The following STIL variants were observed in gnomAD, a reference collection of about 807,000 sequenced individuals.
STIL encodes the protein STIL centriolar assembly protein.
In STIL, 55 loss-of-function variants were observed where a neutral mutation model predicts 110.1. The ratio of observed to expected loss-of-function variants is 0.50; its 90% CI spans 0.40 to 0.63. The LOEUF (loss-of-function observed/expected upper bound fraction) is 0.63. Ranked by LOEUF, STIL falls within the 20% of genes least tolerant of loss-of-function variation. STIL has a pLI of 0.00. For synonymous variants in STIL, 481 were observed against 530.0 expected, an observed-to-expected ratio of 0.91 and a Z score of 1.27; for missense variants, 1,358 against 1,530.0, an observed-to-expected ratio of 0.89 and a Z score of 1.87.
chr1:47,281,184 G>C lies in STIL; in HGVS notation c.1274C>G (p.Pro425Arg). The C allele has an allele frequency of 1.2e-6, 2 of 1,613,092 alleles. No homozygotes were observed. Among genetic ancestry groups the C allele is most frequent in the Non-Finnish European group, 1.7e-6 (2 of 1,179,780 alleles). The change falls in exon 12 of 17, where the codon CCT becomes CGT. Residue 425 changes from proline to arginine, a missense_variant. By Grantham distance (103) the Pro-to-Arg change is moderately radical (BLOSUM62 -2). Coordinates refer to ENST00000371877, the MANE Select transcript of STIL (RefSeq NM_001048166.1). ...QKISKIQPSV[P>R]ELSLVLDGNF... ...GCCATCCAACACAAGTGAAAGTTCA[G>C]GAACTGATGGTTGGATCTTAGAAAT...
Position 47,310,278 on chromosome 1 carries a change from G to T in STIL, c.42C>A (p.Thr14=). Reference sequence around the variant, plus strand: ...TATTTGTAAATATACTTCTATACCTGGTATTCATCTGGGGCCGTGCAAAAG... The same window carrying T: ...TATTTGTAAATATACTTCTATACCTTGTATTCATCTGGGGCCGTGCAAAAG... ...IYPFARPQMN[T]RFPSSRMVPF... The change falls in exon 2 of 17, where the codon ACC becomes ACA. Residue 14 remains threonine, a splice_region_variant and synonymous_variant. Coordinates refer to ENST00000371877, the MANE Select transcript of STIL (RefSeq NM_001048166.1). 1 of 1,612,432 alleles carries T rather than the reference G, an allele frequency of 6.2e-7. No individual in the cohort carries two copies. Among genetic ancestry groups the T allele is most frequent in the Non-Finnish European group, 8.5e-7 (1 of 1,179,170 alleles).
Position 47,251,574 on chromosome 1 carries a change from G to A in STIL, c.3429C>T (p.Pro1143=), listed in dbSNP as rs144628824. 1.9e-5 allele frequency: 30 copies of A among 1,613,658 alleles called. No individual in the cohort carries two copies. The African/African-American group carries it at 2.3e-4, about 12-fold the overall frequency. ...ATTCACTCTTGCTATCTGCATTGTC[G>A]GGAGGTTCCTCTTCATCTTCACTAT... The part of the protein sequence containing the change: ...SDNSEDEEEP[P]DNADSKSEYL... The change falls in exon 17 of 17, where the codon CCC becomes CCT. Residue 1143 remains proline (P), a synonymous_variant. Coordinates refer to ENST00000371877, the MANE Select transcript of STIL (RefSeq NM_001048166.1).
chr1:47,279,160 A>C (rs1645075377), intron 12 of STIL, among the ~76,000 whole-genome samples: 1 of 151,760 alleles, frequency 6.6e-6, no homozygotes, highest in Non-Finnish European at 1.5e-5. Flanking sequence ...TTAGCCGGGC[A>C]TAGTCCCAGC....
chr1:47,295,463 CCAGCTACTTAGGAGG>C (rs1339834791), intron 7 of STIL, among the ~76,000 whole-genome samples: 3 of 151,906 alleles, frequency 2.0e-5, no homozygotes, highest in African/African-American at 7.3e-5. Context: ...GCCTGTAATC[CCAGCTACTTAGGAGG>C]CTGAAGCACG....
At chr1:47,281,309 A>T (rs1645153931) in intron 11 of STIL, 100 bp from the exon 12 acceptor site, 1 of 1,207,692 alleles carries the variant, frequency 8.3e-7, no homozygotes, top group Non-Finnish European at 1.1e-6. Flanking sequence ...ATCTAATTAC[A>T]TATTAACAAG....
chr1:47,290,317 G>T (rs1389529557), intron 8 of STIL, among the ~76,000 whole-genome samples: 5 of 152,140 alleles, frequency 3.3e-5, no homozygotes, highest in Admixed American at 3.3e-4. Flanking sequence ...TGACAATCTG[G>T]GGGGAAAACC....
At chr1:47,313,320 T>C (rs1646191476) in intron 1 of STIL, among the ~76,000 whole-genome samples, 1 of 140,626 alleles carries the variant, frequency 7.1e-6, no homozygotes, top group African/African-American at 2.7e-5. Context: ...TGAAACTGCG[T>C]CTCAAAAATA....
At chr1:47,269,591 T>A in intron 14 of STIL, 44 bp downstream of exon 14, 8 of 1,559,924 alleles carry the variant, frequency 5.1e-6, no homozygotes, top group Non-Finnish European at 6.2e-6. Flanking sequence ...CAAAAAAAAT[T>A]TTTTTTGAAA....
chr1:47,263,744 G>GTT (rs60915271), intron 14 of STIL, among the ~76,000 whole-genome samples: 1,208 of 98,178 alleles, frequency 0.012, 189 homozygotes, highest in African/African-American at 0.048. Flanking sequence ...TTCATTCCAA[G>GTT]TTTTTTTTTT....
At chr1:47,306,619 C>CA in intron 2 of STIL, among the ~76,000 whole-genome samples, 1 of 152,012 alleles carries the variant, frequency 6.6e-6, no homozygotes. Flanking sequence ...TTATGAAAAG[C>CA]AAAAAAACTT....
chr1:47,262,853 C>T, intron 15 of STIL, 50 bp downstream of exon 15: 1 of 1,527,254 alleles, frequency 6.5e-7, no homozygotes, highest in Non-Finnish European at 9.1e-7. Context: ...CTAGTATATC[C>T]TATACTAAAT....
In STIL at chr1:47,250,582, G is replaced by A. The variant is rs1447737918; in HGVS notation, c.*554C>T. ...CGCCTGTAATCCCAGCACTTTAGGA[G>A]GCCGAGGCGGGCGGATCACCTGAGG... On this transcript the variant is annotated 3_prime_UTR_variant, in exon 17 of 17. Coordinates refer to ENST00000371877, the MANE Select transcript of STIL (RefSeq NM_001048166.1). The A allele has an allele frequency of 6.3e-6, 1 of 158,732 alleles. No individual in the cohort carries two copies. Among genetic ancestry groups the A allele is most frequent in the Non-Finnish European group, 1.4e-5 (1 of 72,008 alleles). The allele number at this position is 158,732 out of a possible 1,614,324, so 9.8% of individuals were successfully genotyped here.
In STIL at chr1:47,287,745, C is replaced by G. The variant is rs1645347396; in HGVS notation, c.1024-85G>C. The G allele has an allele frequency of 3.8e-6, 4 of 1,044,258 alleles. No homozygotes were observed. In the African/African-American group the frequency reaches 6.3e-5, roughly 16 times the overall value. 64.7% of individuals were successfully genotyped at this position (1,044,258 alleles called of 1,614,324 possible). A position where few individuals can be genotyped will look rare whatever the true frequency, so the allele number is the denominator to read the frequency against. On this transcript the variant is annotated intron_variant, in intron 9 of 16. Coordinates refer to ENST00000371877, the MANE Select transcript of STIL (RefSeq NM_001048166.1). The stretch of plus-strand genomic sequence containing the variant: ...ATTTAGATGAAAAGTAGCTCTGAAA[C>G]ACTAGATGATGGAGTGGCAGACTTC...
intron 14 of STIL, among the ~76,000 whole-genome samples, chr1:47,265,783 C>CAAAAAAAA (rs1179019596): frequency 5.6e-4 from 37 of 65,594 alleles, no homozygotes; most frequent in East Asian, 2.1e-3. Flanking sequence ...AAGACTGTCT[C>CAAAAAAAA]AAAAAAAAAA....
At chr1:47,270,147 A>G (rs1644776687) in intron 13 of STIL, among the ~76,000 whole-genome samples, 4 of 151,428 alleles carry the variant, frequency 2.6e-5, no homozygotes, top group Non-Finnish European at 5.9e-5. Context: ...GCAGAGGTGT[A>G]AGATCACTTG....
At chr1:47,286,889 G>C (rs958416845) in intron 10 of STIL, among the ~76,000 whole-genome samples, 12 of 151,900 alleles carry the variant, frequency 7.9e-5, no homozygotes, top group African/African-American at 2.4e-4. Context: ...CTATAAAATG[G>C]GAGAAATGAC....
intron 2 of STIL, among the ~76,000 whole-genome samples, chr1:47,307,695 G>T (rs947222179): frequency 6.6e-6 from 1 of 152,232 alleles, no homozygotes; most frequent in African/African-American, 2.4e-5. Flanking sequence ...ATTGTTCAGG[G>T]AATAAGAGAG....
At chr1:47,295,529 G>A (rs939658770) in intron 7 of STIL, among the ~76,000 whole-genome samples, 1 of 151,804 alleles carries the variant, frequency 6.6e-6, no homozygotes, top group South Asian at 2.1e-4. Context: ...GCAGTGAGCC[G>A]AGATCTCTCC....
In STIL at chr1:47,304,081, G is replaced by A. The variant is rs147778527; in HGVS notation, c.152+808C>T. Among the ~76,000 whole-genome samples, 380 of 151,854 alleles carry A rather than the reference G, an allele frequency of 2.5e-3. 3 individuals are homozygous for A. Among genetic ancestry groups the A allele is most frequent in the Non-Finnish European group, 2.0e-3 (135 of 67,968 alleles). On this transcript the variant is annotated intron_variant, in intron 3 of 16. Transcript: ENST00000371877. ...GAAACTGATCCTTGGCTACTTTACT[G>A]AGGTTGCATAAATAAGTACTAGAAT...
Sources: gnomAD v4.1 joint callset for allele counts (sites outside exome capture counted in the v4.1 genomes callset) on GRCh38, gnomAD v4.1.1 for gene constraint, MANE v1.5 for transcripts, NCBI Gene and HGNC (gene_info 2026-07-23, HGNC 2026-07-21) for gene names.